Variants in DYM observed in about 807,000 individuals in gnomAD.
DYM encodes dyggve-Melchior-Clausen syndrome protein.
Under a neutral mutation model 93.1 loss-of-function variants are expected in DYM, and 78 were observed. The ratio of observed to expected loss-of-function variants is 0.84; its 90% CI spans 0.70 to 1.01. DYM has a LOEUF of 1.01. DYM is among the 50% of genes least tolerant of loss of function. The pLI is 0.00. For synonymous variants in DYM, 321 were observed against 319.7 expected (o/e 1.00, Z -0.04); for missense variants, 789 against 845.0 (o/e 0.93, Z 0.82).
At chr18:49,214,919 G>T (rs773730876) in intron 13 of DYM, among the ~76,000 whole-genome samples, 1 of 152,152 alleles carries the variant, frequency 6.6e-6, no homozygotes, top group Non-Finnish European at 1.5e-5. Flanking sequence ...TCACAGGGCT[G>T]GGAGAGCCCA....
intron 17 of DYM, among the ~76,000 whole-genome samples, chr18:49,080,159 G>GGGGGGT (rs1411615641): frequency 9.3e-6 from 1 of 107,454 alleles, no homozygotes; most frequent in African/African-American, 3.5e-5. Context: ...CCGGGGGGGG[G>GGGGGGT]CTGACCCCCC....
chr18:49,266,900 T>C (rs747530109), intron 11 of DYM, among the ~76,000 whole-genome samples: 2 of 151,962 alleles, frequency 1.3e-5, no homozygotes, highest in African/African-American at 2.4e-5. Flanking sequence ...TTGCTTACAG[T>C]GGAAAAGCAG....
intron 8 of DYM, among the ~76,000 whole-genome samples, chr18:49,325,880 A>G (rs1429749028): frequency 1.3e-5 from 2 of 152,324 alleles, no homozygotes; most frequent in East Asian, 3.9e-4. Context: ...CCAAGGGAAT[A>G]CACGAGGAGG....
intron 6 of DYM, among the ~76,000 whole-genome samples, chr18:49,358,805 G>A (rs2065780759): frequency 6.6e-6 from 1 of 152,022 alleles, no homozygotes; most frequent in African/African-American, 2.4e-5. Context: ...ACATCCTCAT[G>A]TACAACTAAC....
intron 8 of DYM, among the ~76,000 whole-genome samples, chr18:49,306,894 G>C (rs780796969): frequency 8.5e-5 from 13 of 152,212 alleles, no homozygotes; most frequent in Non-Finnish European, 1.8e-4. Flanking sequence ...ATTTTGTGAA[G>C]AGTATGACGA....
intron 14 of DYM, among the ~76,000 whole-genome samples, chr18:49,204,096 G>T (rs1295433945): frequency 6.6e-6 from 1 of 151,958 alleles, no homozygotes; most frequent in Non-Finnish European, 1.5e-5. Context: ...CCTACTTCTG[G>T]TTTTTGAAGA....
At chr18:49,159,047 A>C (rs1166234632) in intron 15 of DYM, among the ~76,000 whole-genome samples, 4 of 152,180 alleles carry the variant, frequency 2.6e-5, no homozygotes, top group Non-Finnish European at 5.9e-5. Flanking sequence ...TTTAAAAAAG[A>C]ATACTCTAAT....
At chr18:49,328,331 T>A (rs895220855) in intron 8 of DYM, among the ~76,000 whole-genome samples, 1 of 152,064 alleles carries the variant, frequency 6.6e-6, no homozygotes, top group East Asian at 1.9e-4. Flanking sequence ...AAGTTCTTCA[T>A]GGAGAAGGTG....
chr18:49,202,268 G>GC (rs1439675047), intron 14 of DYM, among the ~76,000 whole-genome samples: 2 of 152,250 alleles, frequency 1.3e-5, no homozygotes, highest in Admixed American at 6.5e-5. Flanking sequence ...TTTGGTCAGA[G>GC]CAACACACAG....
chr18:49,283,644 T>C (rs1256845828), intron 9 of DYM, among the ~76,000 whole-genome samples: 2 of 152,180 alleles, frequency 1.3e-5, no homozygotes, highest in Non-Finnish European at 2.9e-5. Context: ...AATAAAACTC[T>C]GAACATGGTA....
intron 10 of DYM, 138 bp downstream of exon 10, chr18:49,281,859 C>T (rs999896528): frequency 3.4e-5 from 26 of 767,686 alleles, no homozygotes; most frequent in East Asian, 2.6e-4. Flanking sequence ...TGTTAAATGA[C>T]GAGTTCCTGG....
intron 14 of DYM, among the ~76,000 whole-genome samples, chr18:49,197,010 G>A (rs938446286): frequency 6.6e-6 from 1 of 152,142 alleles, no homozygotes; most frequent in East Asian, 1.9e-4. Context: ...GCAGGTGAGG[G>A]GAAAATGCTG....
chr18:49,263,370 C>T lies in DYM; in HGVS notation c.1252-4877G>A, dbSNP rs369591352. Among the ~76,000 whole-genome samples the T allele has an allele frequency of 1.3e-4, 20 of 151,632 alleles. No individual in the cohort carries two copies. In the South Asian group the frequency reaches 4.2e-3, roughly 32 times the overall value. On this transcript the variant is annotated intron_variant, in intron 11 of 17. Transcript: ENST00000675505. Reference sequence around the variant, plus strand: ...CTGACCTCACGTGATCTGCCCACCTCAGCCTCCCAAAGTGCTGGGATTACA... The same window carrying T: ...CTGACCTCACGTGATCTGCCCACCTTAGCCTCCCAAAGTGCTGGGATTACA...
chr18:49,115,656 C>T (rs1251168753), intron 16 of DYM, among the ~76,000 whole-genome samples: 1 of 152,106 alleles, frequency 6.6e-6, no homozygotes, highest in African/African-American at 2.4e-5. Flanking sequence ...TTGGATATTT[C>T]TAGAATGTAA....
chr18:49,202,312 G>C (rs969838898), intron 14 of DYM, among the ~76,000 whole-genome samples: 1 of 152,158 alleles, frequency 6.6e-6, no homozygotes, highest in Non-Finnish European at 1.5e-5. Context: ...AGAACTCTAG[G>C]GGAGTGCAGT....
chr18:49,317,551 T>TTGTCTCTCTCTCTCTC lies in DYM; in HGVS notation c.763+14312_763+14313insGAGAGAGAGAGAGACA, dbSNP rs1555690209. On this transcript the variant is annotated intron_variant, in intron 8 of 17. Transcript: ENST00000675505. ...TGCCCTAGTCCTTAGCCATCTAGAT[T>TTGTCTCTCTCTCTCTC]TCTCTCTCTCTCTCTCTCTCTCTCT... Among the ~76,000 whole-genome samples the TTGTCTCTCTCTCTCTC allele has an allele frequency of 2.1e-3, 63 of 29,350 alleles. 12 individuals are homozygous for TTGTCTCTCTCTCTCTC. Among genetic ancestry groups the TTGTCTCTCTCTCTCTC allele is most frequent in the Admixed American group, 0.014 (26 of 1,860 alleles). The allele number at this position is 29,350 out of a possible 152,430, so 19.3% of individuals were successfully genotyped here. A position where few individuals can be genotyped will look rare whatever the true frequency, so the allele number is the denominator to read the frequency against.
chr18:49,234,907 C>T (rs1031102505), intron 13 of DYM, among the ~76,000 whole-genome samples: 12 of 152,136 alleles, frequency 7.9e-5, no homozygotes, highest in African/African-American at 2.9e-4. Context: ...CAGGGGCCCA[C>T]ATGTAAGGAC....
intron 11 of DYM, among the ~76,000 whole-genome samples, chr18:49,265,935 A>G (rs1162155730): frequency 2.0e-5 from 3 of 152,146 alleles, no homozygotes; most frequent in African/African-American, 4.8e-5. Context: ...TGAAACCAGT[A>G]TTAGGCAATT....
At chr18:49,057,980 G>C (rs1180592178) in intron 17 of DYM, among the ~76,000 whole-genome samples, 1 of 152,228 alleles carries the variant, frequency 6.6e-6, no homozygotes, top group African/African-American at 2.4e-5. Flanking sequence ...GTGCAGGCAG[G>C]GCTGAGAGGC....
Sources: allele counts gnomAD v4.1 joint callset (sites outside exome capture counted in the v4.1 genomes callset), GRCh38; gene constraint gnomAD v4.1.1; transcripts MANE v1.5; gene names NCBI Gene and HGNC (gene_info 2026-07-23, HGNC 2026-07-21).